NCAM1: variants seen among roughly 807,000 people sequenced by gnomAD.
NCAM1 encodes the protein antigen recognized by monoclonal antibody 5.1H11.
A neutral mutation model predicts 109.8 loss-of-function variants in NCAM1; 14 were observed. The ratio of observed to expected loss-of-function variants is 0.13; its 90% confidence interval spans 0.08 to 0.20. NCAM1 has a LOEUF of 0.20. Among genes scored for constraint, NCAM1 ranks in the 10% least tolerant of loss-of-function variants. The probability of loss-of-function intolerance (pLI) is 1.00; values close to 1 mark genes in which losing one functional copy is unlikely to be tolerated. For synonymous variants in NCAM1, 418 were observed against 442.9 expected (o/e 0.94, Z 0.70); for missense variants, 774 against 1,109.9 (o/e 0.70, Z 4.30).
intron 1 of NCAM1, among the ~76,000 whole-genome samples, chr11:113,120,292 T>G (rs1271426315): frequency 6.6e-6 from 1 of 152,232 alleles, no homozygotes; most frequent in Non-Finnish European, 1.5e-5. Flanking sequence ...CCAAGGGTAG[T>G]GTTAAAAGTG....
rs782206123 is a variant in NCAM1, at chr11:113,273,086, G to A, written c.2456+1210G>A. Reference sequence around the variant, plus strand: ...CCCTGACCTCCAGTATTGCCCCGCCGGCCACGGCCACGCCTGACTCAAACT... The same window carrying A: ...CCCTGACCTCCAGTATTGCCCCGCCAGCCACGGCCACGCCTGACTCAAACT... On this transcript the variant is annotated intron_variant, in intron 19 of 19. Transcript: ENST00000316851. The surrounding 1 kb of genome is among the most constrained non-coding windows in gnomAD (Gnocchi z 6.0). 27 of 455,914 alleles carry A rather than the reference G, an allele frequency of 5.9e-5. 1 individual carries two copies. The Middle Eastern group carries it at 3.3e-3, about 55-fold the overall frequency. The allele number at this position is 455,914 out of a possible 1,614,324, so 28.2% of individuals were successfully genotyped here.
At chr11:113,240,635 C>T (rs1555118957) in intron 14 of NCAM1, 2 of 732,454 alleles carry the variant, frequency 2.7e-6, no homozygotes, top group Non-Finnish European at 4.8e-6. Context: ...GTGCCCTGGC[C>T]AGCTGTTCAC....
chr11:113,261,689 C>T (rs1329120347), intron 17 of NCAM1, among the ~76,000 whole-genome samples: 1 of 152,180 alleles, frequency 6.6e-6, no homozygotes, highest in Non-Finnish European at 1.5e-5. Context: ...CAATCGACAG[C>T]TTGGAGTGAA....
At chr11:113,136,686 G>A (rs1941610774) in intron 1 of NCAM1, among the ~76,000 whole-genome samples, 1 of 152,170 alleles carries the variant, frequency 6.6e-6, no homozygotes, top group Non-Finnish European at 1.5e-5. Flanking sequence ...GGATAGAGTG[G>A]ATGGTGGGAA....
intron 1 of NCAM1, among the ~76,000 whole-genome samples, chr11:113,084,037 C>G (rs1323859481): frequency 6.6e-6 from 1 of 152,070 alleles, no homozygotes; most frequent in South Asian, 2.1e-4. Flanking sequence ...CTAGGAAACA[C>G]GAAAGTAGTT....
chr11:113,229,409 C>T (rs574264094), intron 9 of NCAM1, among the ~76,000 whole-genome samples: 9 of 152,236 alleles, frequency 5.9e-5, no homozygotes, highest in Middle Eastern at 3.4e-3. Context: ...GTTAGAATGG[C>T]GATCATTAAA....
chr11:113,246,263 G>T, intron 14 of NCAM1, 105 bp from the exon 15 acceptor site: 2 of 647,062 alleles, frequency 3.1e-6, no homozygotes, highest in South Asian at 1.7e-5. Flanking sequence ...TTTTCCATGT[G>T]ACCTCCTCCA....
At chr11:113,244,716 G>A (rs1945449389) in intron 14 of NCAM1, among the ~76,000 whole-genome samples, 1 of 151,478 alleles carries the variant, frequency 6.6e-6, no homozygotes, top group Non-Finnish European at 1.5e-5. Flanking sequence ...AGGGAATAAA[G>A]GTATTCTAAA....
At chr11:113,064,833 TCAA>T (rs1555083950) in intron 1 of NCAM1, among the ~76,000 whole-genome samples, 1 of 152,152 alleles carries the variant, frequency 6.6e-6, no homozygotes. Flanking sequence ...TTCTGGAGAA[TCAA>T]CAAAATATAA....
At position 113,096,918 on chromosome 11, in the gene NCAM1, C is replaced by G. The variant is rs1469582053; in HGVS notation, c.53-105461C>G. Among the ~76,000 whole-genome samples, 6 of 152,238 alleles carry G rather than the reference C, an allele frequency of 3.9e-5. No individual in the cohort carries two copies. In the East Asian group the frequency reaches 1.2e-3, roughly 29 times the overall value. On this transcript the variant is annotated intron_variant, in intron 1 of 19. Coordinates refer to ENST00000316851, the MANE Select transcript of NCAM1 (RefSeq NM_181351.5). Reference sequence around the variant, plus strand: ...CTGGAGTGTCTTCCAGCTGTCTCTCCCCTGACAAGTTTGTTACACAGCAGG... The same window carrying G: ...CTGGAGTGTCTTCCAGCTGTCTCTCGCCTGACAAGTTTGTTACACAGCAGG...
intron 1 of NCAM1, among the ~76,000 whole-genome samples, chr11:112,993,073 C>T (rs11214444): frequency 0.12 from 18,502 of 152,138 alleles, 1,223 homozygotes; most frequent in East Asian, 0.32. Context: ...TTTAAGCAGT[C>T]AACTGATACT....
At chr11:113,066,118 T>C (rs1379289180) in intron 1 of NCAM1, among the ~76,000 whole-genome samples, 1 of 152,172 alleles carries the variant, frequency 6.6e-6, no homozygotes, top group Non-Finnish European at 1.5e-5. Context: ...ACATATGAAT[T>C]TATTAAAGTG....
intron 1 of NCAM1, among the ~76,000 whole-genome samples, chr11:113,037,953 C>A (rs977206579): frequency 1.3e-5 from 2 of 152,146 alleles, no homozygotes; most frequent in South Asian, 4.1e-4. Flanking sequence ...GGCCCAGCCT[C>A]CAAGGAAAGA....
chr11:113,111,937 G>A (rs781784420), intron 1 of NCAM1, among the ~76,000 whole-genome samples: 3 of 152,042 alleles, frequency 2.0e-5, no homozygotes, highest in African/African-American at 7.3e-5. Context: ...TTTTCTCATC[G>A]CAGATCTTAT....
chr11:113,025,019 A>G (rs1326770967), intron 1 of NCAM1, among the ~76,000 whole-genome samples: 2 of 152,246 alleles, frequency 1.3e-5, no homozygotes, highest in African/African-American at 4.8e-5. Flanking sequence ...ATTGGAAGTA[A>G]ATGGCTAACA....
Position 113,232,270 on chromosome 11 carries a change from A to G in NCAM1, c.1341A>G (p.Ser447=). 6.2e-7 allele frequency: 1 copy of G among 1,613,790 alleles called. No individual in the cohort carries two copies. The highest frequency in any genetic ancestry group is 8.5e-7 in the Non-Finnish European group (1 of 1,179,768). ...EVFAYPSATI[S]WFRDGQLLPS... is the part of the protein sequence containing the mutation. ...TTGCCTATCCCAGTGCCACGATCTC[A>G]TGGTTTCGGGATGGCCAGCTGCTGC... The change falls in exon 11 of 20, where the codon TCA becomes TCG. Residue 447 remains serine (S), a synonymous_variant. Coordinates refer to ENST00000316851, the MANE Select transcript of NCAM1 (RefSeq NM_181351.5).
At chr11:113,080,897 T>C (rs1051504391) in intron 1 of NCAM1, among the ~76,000 whole-genome samples, 4 of 152,186 alleles carry the variant, frequency 2.6e-5, no homozygotes, top group Non-Finnish European at 5.9e-5. Flanking sequence ...TTGTTTTGCA[T>C]ATTGCTAGGA....
chr11:113,014,726 G>A (rs1407785950), intron 1 of NCAM1, among the ~76,000 whole-genome samples: 1 of 152,216 alleles, frequency 6.6e-6, no homozygotes, highest in Non-Finnish European at 1.5e-5. Flanking sequence ...AATACCTGCT[G>A]GATTTTTCTG....
intron 1 of NCAM1, among the ~76,000 whole-genome samples, chr11:113,166,467 T>C (rs1017126119): frequency 3.3e-5 from 5 of 152,234 alleles, no homozygotes; most frequent in African/African-American, 1.2e-4. Flanking sequence ...GGGCAAGTCA[T>C]TTTAACCTTT....
Sources: allele counts gnomAD v4.1 joint callset (sites outside exome capture counted in the v4.1 genomes callset), GRCh38; gene constraint gnomAD v4.1.1; non-coding constraint Gnocchi (gnomAD v3.1); transcripts MANE v1.5; gene names NCBI Gene and HGNC (gene_info 2026-07-23, HGNC 2026-07-21).